Variants in OR51B5 observed in about 807,000 individuals in gnomAD.
OR51B5 encodes olfactory receptor 51B5.
For missense variants in OR51B5, 456 were observed against 374.6 expected, an observed-to-expected ratio of 1.22 and a Z score of -1.79; for synonymous variants, 186 against 144.8, an observed-to-expected ratio of 1.28 and a Z score of -2.04.
intron 1 of OR51B5, among the ~76,000 whole-genome samples, chr11:5,349,590 TATTA>T (rs1332874375): frequency 2.0e-5 from 3 of 152,314 alleles, no homozygotes; most frequent in African/African-American, 4.8e-5. Context: ...GTGATAGATA[TATTA>T]ATTAGTTTGA....
At chr11:5,348,355 C>T (rs549276924), upstream of OR51B5, among the ~76,000 whole-genome samples, 6 of 152,198 alleles carry the variant, frequency 3.9e-5, no homozygotes, top group East Asian at 1.2e-3. Flanking sequence ...CATTCTAACC[C>T]TGAGAGTCCC....
At chr11:5,486,022 C>T (rs888354544) in intron 1 of OR51B5, among the ~76,000 whole-genome samples, 1 of 152,022 alleles carries the variant, frequency 6.6e-6, no homozygotes, top group African/African-American at 2.4e-5. Flanking sequence ...GGAAGACCAA[C>T]TGAAGACACA....
intron 1 of OR51B5, chr11:5,422,552 C>T (rs1167955092): frequency 1.9e-6 from 3 of 1,614,154 alleles, no homozygotes; most frequent in South Asian, 2.2e-5. Flanking sequence ...TTCTGTCCTC[C>T]TGGCTATGTC....
chr11:5,503,941 T>C (rs997835930), intron 1 of OR51B5, among the ~76,000 whole-genome samples: 1 of 152,202 alleles, frequency 6.6e-6, no homozygotes, highest in Non-Finnish European at 1.5e-5. Context: ...TTTATAGCTT[T>C]AAGTGATGTA....
downstream of OR51B5, among the ~76,000 whole-genome samples, chr11:5,342,076 A>G (rs900937400): frequency 2.0e-5 from 3 of 152,146 alleles, no homozygotes; most frequent in African/African-American, 4.8e-5. Flanking sequence ...ATCAAAGAAG[A>G]TTATATTCTT....
At chr11:5,378,719 C>T (rs1382886406) in intron 1 of OR51B5, among the ~76,000 whole-genome samples, 1 of 152,154 alleles carries the variant, frequency 6.6e-6, no homozygotes, top group Non-Finnish European at 1.5e-5. Flanking sequence ...AAATGCTCAT[C>T]ATCACTGGCC....
chr11:5,468,510 C>A, intron 1 of OR51B5: 1 of 364,088 alleles, frequency 2.7e-6, no homozygotes, highest in East Asian at 7.6e-5. Flanking sequence ...CCAATAACAT[C>A]TTGTGTAGTC....
chr11:5,394,762 T>C (rs1849842593), intron 1 of OR51B5, among the ~76,000 whole-genome samples: 1 of 152,248 alleles, frequency 6.6e-6, no homozygotes, highest in Non-Finnish European at 1.5e-5. Context: ...TTTTGCTTCA[T>C]CAGGGGACGT....
chr11:5,472,967 G>A (rs1410591101), intron 1 of OR51B5, among the ~76,000 whole-genome samples: 3 of 152,164 alleles, frequency 2.0e-5, no homozygotes, highest in South Asian at 2.1e-4. Flanking sequence ...CGCATTAGGA[G>A]AAACTCCTCA....
chr11:5,357,963 AC>A (rs1297871220), intron 1 of OR51B5, among the ~76,000 whole-genome samples: 4 of 152,144 alleles, frequency 2.6e-5, no homozygotes, highest in Non-Finnish European at 4.4e-5. Context: ...GACACAACAT[AC>A]CAGAATCTCT....
chr11:5,430,163 A>C (rs957082177), intron 1 of OR51B5, among the ~76,000 whole-genome samples: 1 of 152,242 alleles, frequency 6.6e-6, no homozygotes, highest in Non-Finnish European at 1.5e-5. Context: ...AACCATGAAT[A>C]TCTGGAGAAA....
At chr11:5,489,502 C>T (rs779181468) in intron 1 of OR51B5, 17 of 1,613,932 alleles carry the variant, frequency 1.1e-5, no homozygotes, top group African/African-American at 6.7e-5. Context: ...CCTCACCCAC[C>T]GCTTTGGTCA....
intron 1 of OR51B5, among the ~76,000 whole-genome samples, chr11:5,382,615 G>T (rs1430882929): frequency 6.6e-6 from 1 of 152,108 alleles, no homozygotes; most frequent in Non-Finnish European, 1.5e-5. Context: ...AATTTTTCTG[G>T]TAGTGGTGCC....
At chr11:5,351,918 C>T (rs1249632627) in intron 1 of OR51B5, 1 of 1,613,122 alleles carries the variant, frequency 6.2e-7, no homozygotes, top group Non-Finnish European at 8.5e-7. Context: ...TGACCAACAC[C>T]CAGGTAATGA....
intron 1 of OR51B5, among the ~76,000 whole-genome samples, chr11:5,414,968 A>G (rs1158310045): frequency 1.3e-5 from 2 of 152,206 alleles, no homozygotes; most frequent in South Asian, 2.1e-4. Flanking sequence ...TCAACAGAAT[A>G]TACATTTTTT....
At chr11:5,384,100 C>T (rs1269390767) in intron 1 of OR51B5, among the ~76,000 whole-genome samples, 1 of 152,150 alleles carries the variant, frequency 6.6e-6, no homozygotes, top group Non-Finnish European at 1.5e-5. Context: ...ATGTCCTTAG[C>T]CAAATGGATT....
chr11:5,465,170 C>A (rs1184080749), intron 1 of OR51B5, among the ~76,000 whole-genome samples: 1 of 132,038 alleles, frequency 7.6e-6, no homozygotes, highest in Non-Finnish European at 1.6e-5. Flanking sequence ...CCCGCCACTG[C>A]ACTCCAGCCT....
chr11:5,458,712 G>T (rs1286655024), intron 1 of OR51B5, among the ~76,000 whole-genome samples: 2 of 148,390 alleles, frequency 1.3e-5, no homozygotes, highest in African/African-American at 5.3e-5. Context: ...TATTCTTTTT[G>T]TAACTATTTT....
At position 5,378,537 on chromosome 11, in the gene OR51B5, G is replaced by C. The variant is rs540615076; in HGVS notation, n.85-31627C>G. Among the ~76,000 whole-genome samples, 205 of 152,140 alleles carry C rather than the reference G, an allele frequency of 1.3e-3. 1 individual carries two copies. Among genetic ancestry groups the C allele is most frequent in the African/African-American group, 4.7e-3 (194 of 41,516 alleles). On this transcript the variant is annotated intron_variant and non_coding_transcript_variant, in intron 1 of 4. Coordinates refer to the OR51B5 transcript ENST00000415970. ...GAGTGAACAGGCAACCTACACAATG[G>C]GAGAAAATTTTCACAACCTACTCAT...
Sources: allele counts gnomAD v4.1 joint callset (sites outside exome capture counted in the v4.1 genomes callset), GRCh38; gene constraint gnomAD v4.1.1; transcripts MANE v1.5; gene names NCBI Gene and HGNC (gene_info 2026-07-23, HGNC 2026-07-21).